Variants in SMYD3 observed in about 807,000 individuals in gnomAD.
SMYD3 encodes the protein SET and MYND domain containing 3.
SMYD3 carries 36 observed loss-of-function variants against 57.7 expected under a neutral mutation model. The observed-to-expected ratio is 0.62, with a 90% confidence interval of 0.48 to 0.82. The LOEUF is 0.82. SMYD3 is among the 40% of genes least tolerant of loss of function. The pLI, the probability that SMYD3 is intolerant of heterozygous loss-of-function variation, is 0.00. For synonymous variants in SMYD3, 211 were observed against 195.0 expected (o/e 1.08, Z -0.68); for missense variants, 515 against 538.8 (o/e 0.96, Z 0.44).
chr1:246,069,806 G>A (rs1312065895), intron 5 of SMYD3, among the ~76,000 whole-genome samples: 2 of 152,194 alleles, frequency 1.3e-5, no homozygotes, highest in Admixed American at 6.5e-5. Context: ...TCCATTTGGG[G>A]TTGGTGGTGG....
Position 246,175,447 on chromosome 1 carries a change from T to C in SMYD3, c.531+151754A>G, listed in dbSNP as rs934041616. Among the ~76,000 whole-genome samples, 18 of 152,230 alleles carry C rather than the reference T, an allele frequency of 1.2e-4. 1 individual carries two copies. Among genetic ancestry groups the C allele is most frequent in the Admixed American group, 1.2e-3 (18 of 15,282 alleles). ...ATTAAACAAAAAGGTTATTTTTTCC[T>C]ATGCATAACCTTTACAGTACAGAAG... On this transcript the variant is annotated intron_variant, in intron 5 of 11. Coordinates refer to ENST00000490107, the MANE Select transcript of SMYD3 (RefSeq NM_001167740.2).
rs181391223 is a variant in SMYD3 at position 246,081,359 on chromosome 1, G to A, written c.532-151422C>T. Among the ~76,000 whole-genome samples, 29 of 152,202 alleles carry A rather than the reference G, an allele frequency of 1.9e-4. 1 individual carries two copies. The East Asian group carries it at 2.7e-3, about 14-fold the overall frequency. On this transcript the variant is annotated intron_variant, in intron 5 of 11. Coordinates refer to ENST00000490107, the MANE Select transcript of SMYD3 (RefSeq NM_001167740.2). ...TGTGAGACTGCTCAAATATAGAAAC[G>A]GAAGACTTTTTGTTGTTGTTTGTTT...
At chr1:246,482,312 T>C (rs1439762512) in intron 1 of SMYD3, among the ~76,000 whole-genome samples, 3 of 152,190 alleles carry the variant, frequency 2.0e-5, no homozygotes, top group African/African-American at 4.8e-5. Flanking sequence ...TGCTCCTTAG[T>C]GATAGGATCC....
chr1:245,969,485 G>C (rs2058241630), intron 5 of SMYD3, among the ~76,000 whole-genome samples: 2 of 152,192 alleles, frequency 1.3e-5, no homozygotes, highest in Admixed American at 6.5e-5. Context: ...GTCTGACCCT[G>C]TTTTCAGTGC....
At chr1:246,133,485 A>C (rs964020442) in intron 5 of SMYD3, among the ~76,000 whole-genome samples, 5 of 152,122 alleles carry the variant, frequency 3.3e-5, no homozygotes, top group Non-Finnish European at 7.4e-5. Flanking sequence ...TTATCTAATG[A>C]TAGTATCTCA....
intron 8 of SMYD3, among the ~76,000 whole-genome samples, chr1:245,881,319 G>T (rs939815028): frequency 6.6e-6 from 1 of 152,146 alleles, no homozygotes; most frequent in Non-Finnish European, 1.5e-5. Flanking sequence ...TCTTTCCAAC[G>T]GGTGGTTTAC....
chr1:245,968,910 T>C (rs1311893584), intron 5 of SMYD3, among the ~76,000 whole-genome samples: 1 of 152,176 alleles, frequency 6.6e-6, no homozygotes, highest in South Asian at 2.1e-4. Flanking sequence ...CGTACACTGT[T>C]AAGGAGGCAA....
chr1:246,244,925 C>T (rs1250543179), intron 5 of SMYD3, among the ~76,000 whole-genome samples: 1 of 152,024 alleles, frequency 6.6e-6, no homozygotes, highest in African/African-American at 2.4e-5. Context: ...CAAATGATAC[C>T]CCAGTGATCT....
intron 1 of SMYD3, among the ~76,000 whole-genome samples, chr1:246,403,196 T>C (rs903423988): frequency 1.3e-5 from 2 of 152,282 alleles, no homozygotes; most frequent in African/African-American, 4.8e-5. Context: ...ACAGAACTAG[T>C]TGCATAAATT....
At chr1:245,755,730 T>C (rs1572248965) in intron 11 of SMYD3, among the ~76,000 whole-genome samples, 1 of 152,306 alleles carries the variant, frequency 6.6e-6, no homozygotes, top group East Asian at 1.9e-4. Flanking sequence ...ATTGTGTTTT[T>C]ATAATGTATC....
At chr1:246,492,474 A>G (rs1432114737) in intron 1 of SMYD3, among the ~76,000 whole-genome samples, 1 of 152,248 alleles carries the variant, frequency 6.6e-6, no homozygotes, top group Admixed American at 6.5e-5. Flanking sequence ...GTACTGGGGC[A>G]AAAAGGTAAG....
rs61750995 is a variant in SMYD3, at chr1:245,915,545, G to A, written c.798C>T (p.Cys266=). 2,170 of 1,612,886 alleles carry A rather than the reference G, an allele frequency of 1.3e-3. 31 individuals carry two copies. The African/African-American group carries it at 0.025, about 19-fold the overall frequency. ...TACTACATACCTTGTCCTGGGTTTGGCAACGGAAACAGTCACATTCAAAGC... is the reference window on the plus strand; with the variant it reads ...TACTACATACCTTGTCCTGGGTTTGACAACGGAAACAGTCACATTCAAAGC... The part of the protein sequence containing the change: ...QYCFECDCFR[C]QTQDKDADML... The change falls in exon 8 of 12, where the codon TGC becomes TGT. Residue 266 remains cysteine, a synonymous_variant. Transcript: ENST00000490107.
chr1:246,129,553 C>G (rs887537244), intron 5 of SMYD3, among the ~76,000 whole-genome samples: 1 of 152,292 alleles, frequency 6.6e-6, no homozygotes, highest in Non-Finnish European at 1.5e-5. Context: ...CTCCTGGCAT[C>G]TTCTGCTGCA....
chr1:245,783,805 T>C (rs575030689), intron 10 of SMYD3, among the ~76,000 whole-genome samples: 6 of 152,306 alleles, frequency 3.9e-5, no homozygotes, highest in Non-Finnish European at 8.8e-5. Flanking sequence ...TAGGTATGAA[T>C]GTAAAATTGA....
At chr1:246,119,931 T>C (rs1322113370) in intron 5 of SMYD3, among the ~76,000 whole-genome samples, 8 of 152,226 alleles carry the variant, frequency 5.3e-5, no homozygotes, top group Admixed American at 5.2e-4. Flanking sequence ...GAGAAAAGCA[T>C]ATAAATTTAT....
At chr1:245,905,557 G>A (rs759215275) in intron 8 of SMYD3, among the ~76,000 whole-genome samples, 20 of 152,208 alleles carry the variant, frequency 1.3e-4, no homozygotes, top group Admixed American at 1.2e-3. Flanking sequence ...CAGCTCAGTC[G>A]TAATACAAAA....
intron 5 of SMYD3, among the ~76,000 whole-genome samples, chr1:246,027,356 T>C (rs2148249474): frequency 6.6e-6 from 1 of 152,332 alleles, no homozygotes; most frequent in South Asian, 2.1e-4. Context: ...TGAGATACCA[T>C]CTAAGACTTC....
chr1:245,889,695 C>G (rs2053273515), intron 8 of SMYD3, among the ~76,000 whole-genome samples: 2 of 152,154 alleles, frequency 1.3e-5, no homozygotes, highest in African/African-American at 4.8e-5. Context: ...TGCAATCCCT[C>G]TCAAAATACC....
chr1:246,117,725 T>C (rs747774926), intron 5 of SMYD3, among the ~76,000 whole-genome samples: 1 of 152,322 alleles, frequency 6.6e-6, no homozygotes, highest in East Asian at 1.9e-4. Flanking sequence ...GTGCAGGATG[T>C]GCAGGTTTGT....
Sources: gnomAD v4.1 joint callset for allele counts (sites outside exome capture counted in the v4.1 genomes callset) on GRCh38, gnomAD v4.1.1 for gene constraint, MANE v1.5 for transcripts, NCBI Gene and HGNC (gene_info 2026-07-23, HGNC 2026-07-21) for gene names.